SYT14: variants seen among roughly 807,000 people sequenced by gnomAD.
SYT14 encodes synaptotagmin 14.
SYT14 carries 32 observed loss-of-function variants against 74.2 expected under a neutral mutation model. That is an observed-to-expected ratio of 0.43 (90% CI 0.33 to 0.58). SYT14 has a LOEUF of 0.58. Ranked by LOEUF, SYT14 falls within the 20% of genes least tolerant of loss-of-function variation. SYT14 has a pLI of 0.05. For synonymous variants in SYT14, 298 were observed against 337.7 expected (o/e 0.88, Z 1.29); for missense variants, 791 against 981.8 (o/e 0.81, Z 2.60).
chr1:210,011,717 C>T (rs568368705), intron 2 of SYT14, among the ~76,000 whole-genome samples: 1 of 152,164 alleles, frequency 6.6e-6, no homozygotes, highest in Non-Finnish European at 1.5e-5. Flanking sequence ...TATTTGCCAT[C>T]GCCCTCTGAT....
intron 2 of SYT14, among the ~76,000 whole-genome samples, chr1:209,999,998 A>G (rs564378395): frequency 1.3e-5 from 2 of 152,318 alleles, no homozygotes; most frequent in Non-Finnish European, 2.9e-5. Context: ...TTCTTGTAAC[A>G]AAATATCAGA....
intron 8 of SYT14, among the ~76,000 whole-genome samples, chr1:210,158,455 A>G (rs1218708326): frequency 2.0e-5 from 3 of 152,178 alleles, no homozygotes; most frequent in Non-Finnish European, 2.9e-5. Context: ...ATAATTTACT[A>G]CATTTTTTTG....
intron 5 of SYT14, among the ~76,000 whole-genome samples, chr1:210,078,695 G>A (rs1269121893): frequency 6.6e-6 from 1 of 151,840 alleles, no homozygotes; most frequent in Non-Finnish European, 1.5e-5. Flanking sequence ...GAAATATCAA[G>A]CATGTTAGAA....
At chr1:210,006,570 T>G (rs2079991638) in intron 2 of SYT14, among the ~76,000 whole-genome samples, 1 of 151,960 alleles carries the variant, frequency 6.6e-6, no homozygotes, top group Admixed American at 6.6e-5. Flanking sequence ...AATGAATTAT[T>G]AAAGTATCCA....
At chr1:210,066,072 C>A (rs960269800) in intron 5 of SYT14, among the ~76,000 whole-genome samples, 7 of 151,274 alleles carry the variant, frequency 4.6e-5, no homozygotes, top group Non-Finnish European at 1.0e-4. Flanking sequence ...TTTTTTATGG[C>A]TGCATAGTAT....
At chr1:210,074,112 A>T (rs1320765946) in intron 5 of SYT14, among the ~76,000 whole-genome samples, 1 of 152,120 alleles carries the variant, frequency 6.6e-6, no homozygotes, top group Middle Eastern at 3.2e-3. Context: ...TACAAATCTA[A>T]TTTATCTATC....
chr1:210,062,998 T>C (rs553038135), intron 5 of SYT14, among the ~76,000 whole-genome samples: 14 of 149,190 alleles, frequency 9.4e-5, no homozygotes, highest in African/African-American at 3.4e-4. Flanking sequence ...TATTAGCCTT[T>C]GTTGCATGTA....
intron 7 of SYT14, 86 bp from the exon 7 acceptor site, chr1:210,155,635 C>G: frequency 7.1e-7 from 1 of 1,409,956 alleles, no homozygotes. Context: ...ATTTACCTAC[C>G]TAATCCAAAT....
chr1:210,157,678 G>A (rs1297829602), intron 8 of SYT14, among the ~76,000 whole-genome samples: 5 of 151,990 alleles, frequency 3.3e-5, no homozygotes, highest in African/African-American at 9.7e-5. Context: ...GGTGGCGGAG[G>A]TTGCAGTGAG....
chr1:210,168,474 C>A (rs1326419790), exon 10 of SYT14: 2 of 152,106 alleles, frequency 1.3e-5, no homozygotes, highest in Non-Finnish European at 2.9e-5. Flanking sequence ...CTGTTTATTA[C>A]ATTAACATGT....
rs539019121 is a variant in SYT14, at chr1:209,975,369, G to A, written c.-486+22613G>A. Reference sequence around the variant, plus strand: ...TATCATAGACAGCTCTTATTATTTTGAGATACATCCCATCAATACCTAATT... The same window carrying A: ...TATCATAGACAGCTCTTATTATTTTAAGATACATCCCATCAATACCTAATT... On this transcript the variant is annotated intron_variant, in intron 2 of 9. Coordinates refer to ENST00000637265, the Ensembl canonical transcript of SYT14. Among the ~76,000 whole-genome samples, 23 of 152,206 alleles carry A rather than the reference G, an allele frequency of 1.5e-4. 1 individual carries two copies. The South Asian group carries it at 4.6e-3, about 30-fold the overall frequency.
intron 7 of SYT14, among the ~76,000 whole-genome samples, chr1:210,114,439 G>A (rs1457393692): frequency 1.3e-5 from 2 of 151,362 alleles, no homozygotes; most frequent in Non-Finnish European, 2.9e-5. Context: ...GGTTAATCAA[G>A]TCCTGTTGTG....
At chr1:210,163,328 T>G (rs1440314706) in exon 10 of SYT14, 1 of 453,770 alleles carries the variant, frequency 2.2e-6, no homozygotes, top group South Asian at 1.6e-5. Context: ...TTATCTGGCA[T>G]AAGTATCAAA....
chr1:210,129,477 C>T (rs1210457361), intron 7 of SYT14, among the ~76,000 whole-genome samples: 1 of 152,138 alleles, frequency 6.6e-6, no homozygotes, highest in Non-Finnish European at 1.5e-5. Flanking sequence ...CGGTCACCTT[C>T]CAAATCACAT....
At chr1:209,965,754 C>T in intron 2 of SYT14, 1 of 367,374 alleles carries the variant, frequency 2.7e-6, no homozygotes, top group South Asian at 2.1e-5. Context: ...CAAAGTTCAC[C>T]TGATATGGAT....
intron 7 of SYT14, among the ~76,000 whole-genome samples, chr1:210,151,617 GA>G (rs1481336082): frequency 6.8e-6 from 1 of 147,868 alleles, no homozygotes; most frequent in Non-Finnish European, 1.5e-5. Flanking sequence ...TACCAACATT[GA>G]ATTGACAGTT....
intron 2 of SYT14, among the ~76,000 whole-genome samples, chr1:209,961,424 A>G (rs1436768877): frequency 6.6e-6 from 1 of 152,156 alleles, no homozygotes; most frequent in Non-Finnish European, 1.5e-5. Context: ...GCTAGTATTT[A>G]GTAGAAAGAG....
intron 7 of SYT14, among the ~76,000 whole-genome samples, chr1:210,146,591 G>A (rs1434262434): frequency 1.3e-5 from 2 of 151,700 alleles, no homozygotes; most frequent in Non-Finnish European, 2.9e-5. Context: ...GCAGTGACTC[G>A]GATATCTCAG....
rs141143423 is a variant in SYT14 at position 210,092,614 on chromosome 1, T to G, written c.1313-1708T>G. ...TTGTCTCTTTACTATTCTGGAATTCTGTGGGTTTTTTGGCTATGACTTGCA... is the reference window on the plus strand; with the variant it reads ...TTGTCTCTTTACTATTCTGGAATTCGGTGGGTTTTTTGGCTATGACTTGCA... On this transcript the variant is annotated intron_variant, in intron 5 of 9. Transcript: ENST00000637265. Among the ~76,000 whole-genome samples the G allele has an allele frequency of 7.9e-3, 1,198 of 152,342 alleles. 20 individuals carry two copies. The highest frequency in any genetic ancestry group is 0.027 in the African/African-American group (1,139 of 41,582).
Sources: allele counts gnomAD v4.1 joint callset (sites outside exome capture counted in the v4.1 genomes callset), GRCh38; gene constraint gnomAD v4.1.1; transcripts MANE v1.5; gene names NCBI Gene and HGNC (gene_info 2026-07-23, HGNC 2026-07-21).